MMP26: variants seen among roughly 807,000 people sequenced by gnomAD.
MMP26 encodes the protein matrix metalloproteinase-26.
Under a neutral mutation model 31.0 loss-of-function variants are expected in MMP26, and 33 were observed. That is an observed-to-expected ratio of 1.06 (90% confidence interval 0.81 to 1.42). The LOEUF (loss-of-function observed/expected upper bound fraction) is 1.42, where lower values mean the gene tolerates loss of function less well. Among genes scored for constraint, MMP26 ranks in the 40% most tolerant of loss-of-function variants. The pLI is 0.00. For synonymous variants in MMP26, 122 were observed against 114.9 expected (o/e 1.06, Z -0.40); for missense variants, 347 against 316.1 (o/e 1.10, Z -0.74).
At chr11:4,977,872 G>A (rs1846758735) in intron 2 of MMP26, among the ~76,000 whole-genome samples, 1 of 151,926 alleles carries the variant, frequency 6.6e-6, no homozygotes, top group Non-Finnish European at 1.5e-5. Context: ...TCAAACTGTG[G>A]CTTTTGTATT....
chr11:4,911,579 A>G (rs1850992437), intron 2 of MMP26, among the ~76,000 whole-genome samples: 1 of 152,124 alleles, frequency 6.6e-6, no homozygotes, highest in Non-Finnish European at 1.5e-5. Context: ...TGTTCCTAGA[A>G]CACTCAGGTT....
chr11:4,819,926 T>C (rs994627058), intron 2 of MMP26, among the ~76,000 whole-genome samples: 2 of 152,080 alleles, frequency 1.3e-5, no homozygotes, highest in African/African-American at 4.8e-5. Flanking sequence ...CCATAGTGGA[T>C]ATAGCCTGGA....
At chr11:4,933,060 C>T (rs1851373891) in intron 2 of MMP26, among the ~76,000 whole-genome samples, 1 of 151,972 alleles carries the variant, frequency 6.6e-6, no homozygotes, top group Non-Finnish European at 1.5e-5. Flanking sequence ...GTATGGTTTT[C>T]TAGAAGTGTT....
At chr11:4,896,630 A>T (rs1850707503) in intron 2 of MMP26, among the ~76,000 whole-genome samples, 1 of 152,194 alleles carries the variant, frequency 6.6e-6, no homozygotes, top group African/African-American at 2.4e-5. Context: ...ATATTATTTT[A>T]GGTTTATGTT....
chr11:4,989,596 T>C, intron 3 of MMP26, 52 bp from the exon 4 acceptor site: 1 of 1,460,260 alleles, frequency 6.8e-7, no homozygotes. Context: ...GTAACTGATA[T>C]ATGGGTCTTC....
Position 4,992,045 on chromosome 11 carries a change from T to G in MMP26, c.677T>G (p.Met226Arg). ...CACTCTGGGAATCAGAGCTCCATAA[T>G]GTACCCCACTTACTGGTATCACGAC... Reference protein sequence around the residue: ...LQHSGNQSSIMYPTYWYHDPR... With the variant: ...LQHSGNQSSIRYPTYWYHDPR... The change falls in exon 7 of 8, where the codon ATG (methionine) becomes AGG (arginine). Residue 226 changes from methionine (M) to arginine (R), a missense_variant. Transcript: ENST00000380390. 1 of 1,614,066 alleles carries G rather than the reference T, an allele frequency of 6.2e-7. No individual in the cohort carries two copies. Among genetic ancestry groups the G allele is most frequent in the Non-Finnish European group, 8.5e-7 (1 of 1,179,996 alleles).
intron 2 of MMP26, among the ~76,000 whole-genome samples, chr11:4,835,950 T>G (rs1021631221): frequency 9.9e-5 from 15 of 152,128 alleles, no homozygotes; most frequent in Admixed American, 2.6e-4. Context: ...ACTGCTTTAT[T>G]TATAATAGAA....
intron 2 of MMP26, chr11:4,923,725 C>A: frequency 6.2e-7 from 1 of 1,613,932 alleles, no homozygotes; most frequent in Non-Finnish European, 8.5e-7. Context: ...CGGTGCAGGC[C>A]ACAACAAAGA....
intron 2 of MMP26, chr11:4,907,475 C>G: frequency 6.2e-7 from 1 of 1,613,960 alleles, no homozygotes; most frequent in East Asian, 2.2e-5. Flanking sequence ...CCTCATGTAC[C>G]TGCTTGCCAT....
At chr11:4,766,693 T>TTCCCTCCCACCCTCCC (rs1848633048) in intron 1 of MMP26, among the ~76,000 whole-genome samples, 1 of 49,344 alleles carries the variant, frequency 2.0e-5, no homozygotes, top group Non-Finnish European at 3.9e-5. Context: ...CCACTTTCCT[T>TTCCCTCCCACCCTCCC]TCCCTCCCTC....
intron 1 of MMP26, among the ~76,000 whole-genome samples, chr11:4,717,806 G>T (rs2133271706): frequency 6.6e-6 from 1 of 152,266 alleles, no homozygotes; most frequent in East Asian, 1.9e-4. Flanking sequence ...TCATCATGTG[G>T]TAACCCAGCT....
chr11:4,933,069 T>C (rs1160198549), intron 2 of MMP26, among the ~76,000 whole-genome samples: 1 of 152,078 alleles, frequency 6.6e-6, no homozygotes, highest in Non-Finnish European at 1.5e-5. Flanking sequence ...TCTAGAAGTG[T>C]TAGAGAAAGC....
At chr11:4,805,422 T>C (rs1375505542) in intron 2 of MMP26, among the ~76,000 whole-genome samples, 2 of 152,238 alleles carry the variant, frequency 1.3e-5, no homozygotes, top group Non-Finnish European at 2.9e-5. Context: ...TCAGCCATTG[T>C]AGTGTGAAAG....
At chr11:4,857,325 C>T (rs1459002904) in intron 2 of MMP26, among the ~76,000 whole-genome samples, 1 of 151,790 alleles carries the variant, frequency 6.6e-6, no homozygotes, top group African/African-American at 2.4e-5. Flanking sequence ...TGATAGACTG[C>T]TAGCAAGACT....
At chr11:4,753,073 A>T (rs1848466243) in intron 1 of MMP26, 1 of 152,142 alleles carries the variant, frequency 6.6e-6, no homozygotes, top group Admixed American at 6.6e-5. Flanking sequence ...TATATTGAGT[A>T]AAGTGCATAA....
At chr11:4,865,094 A>G (rs370969617) in intron 2 of MMP26, among the ~76,000 whole-genome samples, 1 of 152,060 alleles carries the variant, frequency 6.6e-6, no homozygotes. Context: ...TCCCATCAGC[A>G]TTTATACAAT....
intron 2 of MMP26, chr11:4,938,168 C>G (rs933023063): frequency 2.6e-5 from 4 of 151,592 alleles, no homozygotes; most frequent in Non-Finnish European, 4.4e-5. Flanking sequence ...GTAAAATTAC[C>G]CATCCAAGAA....
At chr11:4,975,985 C>T (rs1403882654) in intron 2 of MMP26, among the ~76,000 whole-genome samples, 1 of 152,022 alleles carries the variant, frequency 6.6e-6, no homozygotes, top group Non-Finnish European at 1.5e-5. Context: ...TTAAAAAGTA[C>T]TTCGTAATCA....
chr11:4,788,470 G>A (rs975398130), intron 2 of MMP26, among the ~76,000 whole-genome samples: 3 of 151,998 alleles, frequency 2.0e-5, no homozygotes, highest in Non-Finnish European at 4.4e-5. Context: ...AGTCACAGAA[G>A]CATTTTACCA....
Sources: gnomAD v4.1 joint callset for allele counts (sites outside exome capture counted in the v4.1 genomes callset) on GRCh38, gnomAD v4.1.1 for gene constraint, MANE v1.5 for transcripts, NCBI Gene and HGNC (gene_info 2026-07-23, HGNC 2026-07-21) for gene names.